SEMA6D: variants seen among roughly 807,000 people sequenced by gnomAD.
SEMA6D encodes semaphorin 6D.
In SEMA6D, 35 loss-of-function variants were observed where a neutral mutation model predicts 106.6. The observed-to-expected ratio is 0.33, with a 90% confidence interval of 0.25 to 0.44. The LOEUF (loss-of-function observed/expected upper bound fraction) is 0.44, where lower values mean the gene tolerates loss of function less well. Among genes scored for constraint, SEMA6D ranks in the 20% least tolerant of loss-of-function variants. The probability of loss-of-function intolerance (pLI) is 1.00; values close to 1 mark genes in which losing one functional copy is unlikely to be tolerated. For synonymous variants in SEMA6D, 499 were observed against 487.7 expected (o/e 1.02, Z -0.31); for missense variants, 1,185 against 1,345.9 (o/e 0.88, Z 1.87).
intron 3 of SEMA6D, among the ~76,000 whole-genome samples, chr15:47,532,361 T>C (rs1407302045): frequency 6.6e-6 from 1 of 152,198 alleles, no homozygotes; most frequent in African/African-American, 2.4e-5. Flanking sequence ...GCATCTGACT[T>C]TCCTGGAACC....
chr15:47,733,627 A>G (rs2080272602), intron 1 of SEMA6D, among the ~76,000 whole-genome samples: 1 of 152,114 alleles, frequency 6.6e-6, no homozygotes. Context: ...CCGGGGTTCA[A>G]ATTCTGAGTC....
At chr15:47,317,498 A>C (rs1317478557) in intron 1 of SEMA6D, among the ~76,000 whole-genome samples, 1 of 152,082 alleles carries the variant, frequency 6.6e-6, no homozygotes, top group African/African-American at 2.4e-5. Context: ...AATCTATATC[A>C]TTTTGTTTTA....
In SEMA6D at chr15:47,559,975, A is replaced by G. The variant is rs1047215791; in HGVS notation, c.-86-40890A>G. On this transcript the variant is annotated intron_variant, in intron 3 of 19. Transcript: ENST00000558014. ...ATCCCTAGGAAGTTAGACTAAAAATAAAACAAAATAAATGATAATACTGAG... is the reference window on the plus strand; with the variant it reads ...ATCCCTAGGAAGTTAGACTAAAAATGAAACAAAATAAATGATAATACTGAG... Among the ~76,000 whole-genome samples, 12 of 152,292 alleles carry G rather than the reference A, an allele frequency of 7.9e-5. No homozygotes were observed. The East Asian group carries it at 2.3e-3, about 29-fold the overall frequency.
At chr15:47,676,808 G>A (rs1333852373) in intron 4 of SEMA6D, among the ~76,000 whole-genome samples, 1 of 152,178 alleles carries the variant, frequency 6.6e-6, no homozygotes, top group Non-Finnish European at 1.5e-5. Flanking sequence ...TGGACTCAGA[G>A]AGTTCTCTCC....
chr15:47,657,719 C>CTTTTTTT (rs71118191), intron 4 of SEMA6D, among the ~76,000 whole-genome samples: 1,219 of 54,676 alleles, frequency 0.022, 384 homozygotes, highest in Non-Finnish European at 0.029. Context: ...GGCTTCATTT[C>CTTTTTTT]TTTTTTTTTT....
Position 47,320,565 on chromosome 15 carries a change from G to T in SEMA6D, c.-238-91828G>T, listed in dbSNP as rs76267449. 1.8e-4 allele frequency among the ~76,000 whole-genome samples: 28 copies of T among 152,134 alleles called. 1 individual carries two copies. In the East Asian group the frequency reaches 5.4e-3, roughly 29 times the overall value. ...GTTAGCTTTTCCAGCTGTAACTTCT[G>T]CCCCCTTCTCCCTATGCACCATATA... On this transcript the variant is annotated intron_variant, in intron 1 of 19. Transcript: ENST00000558014.
intron 1 of SEMA6D, among the ~76,000 whole-genome samples, chr15:47,367,786 G>A (rs118020820): frequency 2.1e-4 from 32 of 151,852 alleles, no homozygotes; most frequent in South Asian, 1.0e-3. Flanking sequence ...AAATAATACT[G>A]CAATCTGTAT....
intron 3 of SEMA6D, among the ~76,000 whole-genome samples, chr15:47,544,962 A>T (rs919958558): frequency 6.6e-6 from 1 of 152,108 alleles, no homozygotes; most frequent in Non-Finnish European, 1.5e-5. Context: ...AAAATTTCTA[A>T]ACCTGGAGAA....
chr15:47,378,876 A>G (rs2039542098), intron 1 of SEMA6D, among the ~76,000 whole-genome samples: 1 of 152,232 alleles, frequency 6.6e-6, no homozygotes, highest in African/African-American at 2.4e-5. Flanking sequence ...GACATTATGG[A>G]AACCACATTG....
At chr15:47,762,108 G>T in intron 7 of SEMA6D, 92 bp from the exon 8 acceptor site, 1 of 1,411,952 alleles carries the variant, frequency 7.1e-7, no homozygotes, top group Non-Finnish European at 9.9e-7. Flanking sequence ...TAATACCAGT[G>T]AGAGCGCTCC....
intron 4 of SEMA6D, among the ~76,000 whole-genome samples, chr15:47,690,317 A>C (rs2078558210): frequency 1.3e-5 from 2 of 152,220 alleles, no homozygotes; most frequent in Non-Finnish European, 2.9e-5. Context: ...AAGATGGGAA[A>C]GGAATAGCAT....
intron 3 of SEMA6D, among the ~76,000 whole-genome samples, chr15:47,563,946 G>A (rs777611490): frequency 1.3e-5 from 2 of 152,176 alleles, no homozygotes; most frequent in African/African-American, 2.4e-5. Context: ...GCAAGTGCTG[G>A]CAGATGGAAG....
chr15:47,503,459 A>C (rs1305804524), intron 3 of SEMA6D, among the ~76,000 whole-genome samples: 3 of 152,196 alleles, frequency 2.0e-5, no homozygotes, highest in Non-Finnish European at 4.4e-5. Context: ...GTCCTTAACC[A>C]GCTAGATGAC....
At chr15:47,492,325 G>A (rs7173138) in intron 3 of SEMA6D, among the ~76,000 whole-genome samples, 9,808 of 152,186 alleles carry the variant, frequency 0.064, 897 homozygotes, top group African/African-American at 0.21. Flanking sequence ...GAAATATAGA[G>A]TTGTCTCTAC....
chr15:47,682,276 T>C (rs1394826092), intron 4 of SEMA6D, among the ~76,000 whole-genome samples: 1 of 152,092 alleles, frequency 6.6e-6, no homozygotes, highest in Non-Finnish European at 1.5e-5. Context: ...CATGCCATTC[T>C]GCTGCCTCAG....
intron 1 of SEMA6D, among the ~76,000 whole-genome samples, chr15:47,272,275 T>C (rs925382136): frequency 6.6e-6 from 1 of 152,224 alleles, no homozygotes; most frequent in Non-Finnish European, 1.5e-5. Context: ...GTACTAAAAC[T>C]ATATTTTTCC....
chr15:47,277,903 A>G (rs2034910708), intron 1 of SEMA6D, among the ~76,000 whole-genome samples: 1 of 150,902 alleles, frequency 6.6e-6, no homozygotes, highest in Non-Finnish European at 1.5e-5. Flanking sequence ...GAGAATGATG[A>G]TTTCCAATTT....
At chr15:47,586,300 GC>G (rs912619714) in intron 3 of SEMA6D, among the ~76,000 whole-genome samples, 9 of 152,162 alleles carry the variant, frequency 5.9e-5, no homozygotes, top group African/African-American at 2.2e-4. Flanking sequence ...AGTGATAGGG[GC>G]CTATTAGAAG....
intron 1 of SEMA6D, among the ~76,000 whole-genome samples, chr15:47,266,117 CTTCCCTGTTGTCACTT>C (rs2034304839): frequency 1.3e-5 from 2 of 152,124 alleles, no homozygotes; most frequent in Non-Finnish European, 2.9e-5. Flanking sequence ...CAGCAGGGCT[CTTCCCTGTTGTCACTT>C]TTCCCCATTC....
Sources: allele counts gnomAD v4.1 joint callset (sites outside exome capture counted in the v4.1 genomes callset), GRCh38; gene constraint gnomAD v4.1.1; transcripts MANE v1.5; gene names NCBI Gene and HGNC (gene_info 2026-07-23, HGNC 2026-07-21).